Variants in GMDS observed in about 807,000 individuals in gnomAD.
The protein encoded by GMDS is GDP-mannose 4,6 dehydratase.
Under a neutral mutation model 49.9 loss-of-function variants are expected in GMDS, and 20 were observed. That is an observed-to-expected ratio of 0.40 (90% CI 0.28 to 0.58). The LOEUF (loss-of-function observed/expected upper bound fraction) is 0.58, where lower values mean the gene tolerates loss of function less well. Ranked by LOEUF, GMDS falls within the 20% of genes least tolerant of loss-of-function variation. The pLI, the probability that GMDS is intolerant of heterozygous loss-of-function variation, is 0.42. For missense variants in GMDS, 362 were observed against 481.4 expected, an observed-to-expected ratio of 0.75 and a Z score of 2.32; for synonymous variants, 177 against 178.6, an observed-to-expected ratio of 0.99 and a Z score of 0.07.
At chr6:2,134,058 G>C (rs1425108446) in intron 1 of GMDS, among the ~76,000 whole-genome samples, 1 of 152,162 alleles carries the variant, frequency 6.6e-6, no homozygotes, top group Non-Finnish European at 1.5e-5. Flanking sequence ...TGGGCGTGGA[G>C]GAATCACATA....
At position 1,687,537 on chromosome 6, in the gene GMDS, TC is replaced by T. The variant is rs1765019112; in HGVS notation, c.987+38878del. Among the ~76,000 whole-genome samples the T allele has an allele frequency of 1.5e-3, 4 of 2,670 alleles. No homozygotes were observed. In the South Asian group the frequency reaches 0.05, roughly 33 times the overall value. 1.8% of individuals were successfully genotyped at this position (2,670 alleles called of 152,430 possible). A position where few individuals can be genotyped will look rare whatever the true frequency, so the allele number is the denominator to read the frequency against. On this transcript the variant is annotated intron_variant, in intron 9 of 10. Transcript: ENST00000380815. ...TCCACTCAGCAGGCCATCAGCAAGC[TC>T]CTGTGTTCCAGGCACCGTCCTTCTC...
intron 7 of GMDS, among the ~76,000 whole-genome samples, chr6:1,758,441 A>G (rs1032123658): frequency 6.6e-6 from 1 of 151,084 alleles, no homozygotes; most frequent in African/African-American, 2.5e-5. Flanking sequence ...CCCAATTGGA[A>G]TACCTGGGAG....
Position 1,833,126 on chromosome 6 carries a change from C to CT in GMDS, c.772-90541dup, listed in dbSNP as rs34633662. 5.6e-3 allele frequency among the ~76,000 whole-genome samples: 695 copies of CT among 123,348 alleles called. 8 individuals carry two copies. The highest frequency in any genetic ancestry group is 0.014 in the South Asian group (49 of 3,514). 80.9% of individuals were successfully genotyped at this position (123,348 alleles called of 152,430 possible). A position where few individuals can be genotyped will look rare whatever the true frequency, so the allele number is the denominator to read the frequency against. ...ACCCGGCAGTGGAGCGTATGAAAGC[C>CT]TTTTTTTTTTTTTTTTTTTTTTTAA... On this transcript the variant is annotated intron_variant, in intron 7 of 10. Coordinates refer to ENST00000380815, the MANE Select transcript of GMDS (RefSeq NM_001500.4). This position sits in a 1 kb window ranked among gnomAD's most constrained non-coding sequence, Gnocchi z 4.4.
chr6:1,852,128 C>T (rs113762378), intron 7 of GMDS, among the ~76,000 whole-genome samples: 19 of 152,192 alleles, frequency 1.2e-4, no homozygotes, highest in African/African-American at 4.1e-4. Context: ...CCACAGTGGT[C>T]ACTCCAACCA....
intron 4 of GMDS, among the ~76,000 whole-genome samples, chr6:2,112,513 C>G (rs1397208915): frequency 6.6e-6 from 1 of 152,124 alleles, no homozygotes; most frequent in Non-Finnish European, 1.5e-5. Flanking sequence ...GAAGACCCCA[C>G]CCTAGACCTA....
At chr6:1,667,274 T>C (rs1165753012) in intron 9 of GMDS, among the ~76,000 whole-genome samples, 1 of 152,220 alleles carries the variant, frequency 6.6e-6, no homozygotes, top group Non-Finnish European at 1.5e-5. Context: ...CCTCCCACCA[T>C]TAAATTCCAT....
chr6:1,851,422 CAATAT>C (rs1446480378), intron 7 of GMDS, among the ~76,000 whole-genome samples: 6 of 152,024 alleles, frequency 3.9e-5, no homozygotes, highest in Non-Finnish European at 7.4e-5. Flanking sequence ...ATTTGGCAAA[CAATAT>C]AATATTATAT....
At chr6:1,975,645 G>T (rs184579441) in intron 4 of GMDS, among the ~76,000 whole-genome samples, 28 of 152,280 alleles carry the variant, frequency 1.8e-4, no homozygotes, top group African/African-American at 6.3e-4. Context: ...CAGAAAAGTA[G>T]AAAGTCACAT....
intron 1 of GMDS, among the ~76,000 whole-genome samples, chr6:2,228,319 C>A (rs572623407): frequency 6.6e-6 from 1 of 152,206 alleles, no homozygotes; most frequent in South Asian, 2.1e-4. Context: ...TGGGCCTTCA[C>A]GTCCTCCTTT....
At position 1,984,602 on chromosome 6, in the gene GMDS, T is replaced by C. The variant is rs553297919; in HGVS notation, c.346-23636A>G. Among the ~76,000 whole-genome samples, 10 of 152,322 alleles carry C rather than the reference T, an allele frequency of 6.6e-5. No individual in the cohort carries two copies. The South Asian group carries it at 8.3e-4, about 13-fold the overall frequency. On this transcript the variant is annotated intron_variant, in intron 4 of 10. Transcript: ENST00000380815. The stretch of plus-strand genomic sequence containing the variant: ...AACACCTTGGATCTCTCATGACTCA[T>C]TGGCCTATAGGCAAAATTCTTCAAA...
intron 1 of GMDS, among the ~76,000 whole-genome samples, chr6:2,187,931 A>G (rs1356951981): frequency 6.6e-6 from 1 of 152,250 alleles, no homozygotes; most frequent in East Asian, 1.9e-4. Context: ...AATCCTAGGA[A>G]ACAATATCCA....
intron 6 of GMDS, among the ~76,000 whole-genome samples, chr6:1,945,145 A>G (rs1296691079): frequency 6.6e-6 from 1 of 152,130 alleles, no homozygotes; most frequent in African/African-American, 2.4e-5. Context: ...AGTTGTCGAC[A>G]TACAATATAA....
chr6:2,004,572 G>A lies in GMDS; in HGVS notation c.346-43606C>T, dbSNP rs1767038977. 2.0e-5 allele frequency among the ~76,000 whole-genome samples: 3 copies of A among 152,124 alleles called. No homozygotes were observed. The South Asian group carries it at 6.2e-4, about 31-fold the overall frequency. On this transcript the variant is annotated intron_variant, in intron 4 of 10. Coordinates refer to ENST00000380815, the MANE Select transcript of GMDS (RefSeq NM_001500.4). ...TGACAGCTCATAGTTGCTTAACACA[G>A]GGGAGCTTGATACAAAGACACATCC...
chr6:1,808,645 T>A (rs1477060592), intron 7 of GMDS, among the ~76,000 whole-genome samples: 1 of 152,196 alleles, frequency 6.6e-6, no homozygotes, highest in African/African-American at 2.4e-5. Flanking sequence ...AATGGTTACA[T>A]CAAAGGAGAT....
chr6:2,234,323 A>G (rs1353917642), intron 1 of GMDS, among the ~76,000 whole-genome samples: 1 of 152,216 alleles, frequency 6.6e-6, no homozygotes, highest in Non-Finnish European at 1.5e-5. Context: ...AGATATTTCA[A>G]TGATAACATC....
At chr6:2,201,119 A>G (rs1199648798) in intron 1 of GMDS, among the ~76,000 whole-genome samples, 29 of 142,832 alleles carry the variant, frequency 2.0e-4, no homozygotes, top group Non-Finnish European at 1.2e-4. Flanking sequence ...AAAGATGAAG[A>G]GAGAGCACCA....
intron 4 of GMDS, among the ~76,000 whole-genome samples, chr6:2,038,917 G>A (rs2127425185): frequency 6.6e-6 from 1 of 152,302 alleles, no homozygotes; most frequent in South Asian, 2.1e-4. Flanking sequence ...GTGGACTGGA[G>A]TGCTTGAATT....
chr6:1,776,812 G>C (rs377638808), intron 7 of GMDS, among the ~76,000 whole-genome samples: 1 of 152,048 alleles, frequency 6.6e-6, no homozygotes, highest in East Asian at 1.9e-4. Context: ...CTTTCTATCT[G>C]GGCACTTAGC....
At chr6:1,797,478 T>G (rs1769787248) in intron 7 of GMDS, among the ~76,000 whole-genome samples, 1 of 152,216 alleles carries the variant, frequency 6.6e-6, no homozygotes. Flanking sequence ...AGTAAGTGTT[T>G]TGTGATGTTT....
Sources: allele counts gnomAD v4.1 joint callset (sites outside exome capture counted in the v4.1 genomes callset), GRCh38; gene constraint gnomAD v4.1.1; non-coding constraint Gnocchi (gnomAD v3.1); transcripts MANE v1.5; gene names NCBI Gene and HGNC (gene_info 2026-07-23, HGNC 2026-07-21).